The following LMX1A variants were observed in gnomAD, a reference collection of about 807,000 sequenced individuals.
LMX1A encodes the protein LIM homeobox transcription factor 1-alpha.
LMX1A carries 15 observed loss-of-function variants against 49.1 expected under a neutral mutation model. That is an observed-to-expected ratio of 0.31 (90% CI 0.20 to 0.47). The LOEUF (loss-of-function observed/expected upper bound fraction) is 0.47, where lower values mean the gene tolerates loss of function less well. Ranked by LOEUF, LMX1A falls within the 20% of genes least tolerant of loss-of-function variation. LMX1A has a pLI of 1.00. For missense variants in LMX1A, 372 were observed against 475.8 expected, an observed-to-expected ratio of 0.78 and a Z score of 2.03; for synonymous variants, 167 against 185.7, an observed-to-expected ratio of 0.90 and a Z score of 0.82.
intron 3 of LMX1A, among the ~76,000 whole-genome samples, chr1:165,260,276 G>A (rs987755991): frequency 3.3e-5 from 5 of 152,090 alleles, no homozygotes; most frequent in African/African-American, 1.2e-4. Context: ...TTTTTGGCTT[G>A]GCTGGATGGC....
Position 165,203,915 on chromosome 1 carries a change from G to C in LMX1A, c.1114C>G (p.Leu372Val). Residue 372 changes from leucine to valine, a missense_variant, in exon 9 of 9, where the codon CTG (leucine) becomes GTG (valine). Leu to Val is a conservative substitution (Grantham distance 32). Coordinates refer to ENST00000342310, the MANE Select transcript of LMX1A (RefSeq NM_177398.4). Reference protein sequence around the residue: ...QSRVGNPIDHLYSMQNSYFTS With the variant: ...QSRVGNPIDHVYSMQNSYFTS ...AAGTAAGAATTCTGCATGGAGTACA[G>C]ATGGTCAATGGGGTTTCCCACTCTG... 6.2e-7 allele frequency: 1 copy of C among 1,614,136 alleles called. No individual in the cohort carries two copies. Among genetic ancestry groups the C allele is most frequent in the Non-Finnish European group, 8.5e-7 (1 of 1,180,024 alleles).
chr1:165,237,918 C>A (rs1652508583), intron 4 of LMX1A, among the ~76,000 whole-genome samples: 1 of 152,200 alleles, frequency 6.6e-6, no homozygotes, highest in Admixed American at 6.5e-5. Flanking sequence ...AAACCAGTGT[C>A]TTCCCTGCAC....
At chr1:165,282,302 T>G (rs1557872609) in intron 3 of LMX1A, among the ~76,000 whole-genome samples, 1 of 152,188 alleles carries the variant, frequency 6.6e-6, no homozygotes, top group African/African-American at 2.4e-5. Flanking sequence ...CTCAAGGGAT[T>G]GGCTCCAGAA....
intron 3 of LMX1A, among the ~76,000 whole-genome samples, chr1:165,284,232 A>T (rs1024573395): frequency 9.2e-5 from 14 of 152,244 alleles, no homozygotes; most frequent in African/African-American, 3.4e-4. Flanking sequence ...AAGTAAGTAT[A>T]TGAAAGCACT....
intron 3 of LMX1A, among the ~76,000 whole-genome samples, chr1:165,287,623 A>G (rs1192520449): frequency 6.6e-6 from 1 of 151,886 alleles, no homozygotes; most frequent in Admixed American, 6.6e-5. Context: ...CCCAGGCAAC[A>G]CCTCCTACAA....
At chr1:165,231,596 C>T (rs1179011324) in intron 4 of LMX1A, among the ~76,000 whole-genome samples, 1 of 152,204 alleles carries the variant, frequency 6.6e-6, no homozygotes, top group Non-Finnish European at 1.5e-5. Context: ...ACTTTATGTT[C>T]TGATTAATCC....
chr1:165,328,117 T>C (rs545661236), intron 3 of LMX1A, among the ~76,000 whole-genome samples: 54 of 152,134 alleles, frequency 3.5e-4, no homozygotes, highest in African/African-American at 1.2e-3. Context: ...AGAAAGAAAA[T>C]TGCATTAACA....
chr1:165,262,410 CTGAATTCT>C (rs1157009265), intron 3 of LMX1A, among the ~76,000 whole-genome samples: 2 of 152,184 alleles, frequency 1.3e-5, no homozygotes, highest in East Asian at 3.8e-4. Context: ...AGAAAGAAGC[CTGAATTCT>C]TGAAAACTTT....
At chr1:165,262,831 A>AAT (rs140476932) in intron 3 of LMX1A, among the ~76,000 whole-genome samples, 89 of 152,096 alleles carry the variant, frequency 5.9e-4, no homozygotes, top group African/African-American at 2.1e-3. Flanking sequence ...AAAAAAAAAA[A>AAT]TTTTAATTAC....
chr1:165,341,317 G>C (rs1260343387), intron 3 of LMX1A, among the ~76,000 whole-genome samples: 2 of 152,004 alleles, frequency 1.3e-5, no homozygotes, highest in East Asian at 3.9e-4. Flanking sequence ...ATTTGCACAT[G>C]TTTCTTCTTC....
chr1:165,276,819 T>C (rs1455783239), intron 3 of LMX1A, among the ~76,000 whole-genome samples: 1 of 152,122 alleles, frequency 6.6e-6, no homozygotes, highest in East Asian at 1.9e-4. Context: ...CTTTATGAGG[T>C]GCATAGGAAT....
At chr1:165,319,094 A>G (rs936928757) in intron 3 of LMX1A, among the ~76,000 whole-genome samples, 3 of 151,836 alleles carry the variant, frequency 2.0e-5, no homozygotes, top group African/African-American at 7.3e-5. Flanking sequence ...AAGAATGGCA[A>G]TCTTAAACCT....
At chr1:165,244,368 G>A (rs1222008085) in intron 4 of LMX1A, among the ~76,000 whole-genome samples, 2 of 152,168 alleles carry the variant, frequency 1.3e-5, no homozygotes, top group African/African-American at 2.4e-5. Flanking sequence ...TAGCCAGTGA[G>A]TTAGAAATAT....
intron 4 of LMX1A, among the ~76,000 whole-genome samples, chr1:165,221,604 G>A (rs540989587): frequency 6.6e-6 from 1 of 152,190 alleles, no homozygotes; most frequent in South Asian, 2.1e-4. Context: ...GGGCCAGGCA[G>A]GGGGAGGGAC....
chr1:165,268,736 T>C (rs1447481061), intron 3 of LMX1A, among the ~76,000 whole-genome samples: 1 of 152,226 alleles, frequency 6.6e-6, no homozygotes, highest in Non-Finnish European at 1.5e-5. Flanking sequence ...ATGGGCTTAG[T>C]GACACCCATG....
intron 3 of LMX1A, among the ~76,000 whole-genome samples, chr1:165,315,605 C>G (rs1011805562): frequency 6.6e-6 from 1 of 152,206 alleles, no homozygotes; most frequent in Non-Finnish European, 1.5e-5. Context: ...AAACTAAATC[C>G]TTGTCACCCT....
At chr1:165,213,869 T>TA (rs1156230970) in intron 4 of LMX1A, 56 bp from the exon 5 acceptor site, 1 of 1,541,082 alleles carries the variant, frequency 6.5e-7, no homozygotes, top group Non-Finnish European at 8.9e-7. Context: ...CCTGGAGCTG[T>TA]ATGTTATTCC....
At chr1:165,231,472 T>C (rs1652240009) in intron 4 of LMX1A, among the ~76,000 whole-genome samples, 1 of 152,156 alleles carries the variant, frequency 6.6e-6, no homozygotes, top group Admixed American at 6.5e-5. Flanking sequence ...CATGCCAGGC[T>C]AATTTTGTAT....
chr1:165,329,271 G>A (rs75409125), intron 3 of LMX1A, among the ~76,000 whole-genome samples: 2,275 of 152,212 alleles, frequency 0.015, 52 homozygotes, highest in African/African-American at 0.052. Flanking sequence ...CCCATGATCC[G>A]GTCACCTCCC....
Sources: allele counts gnomAD v4.1 joint callset (sites outside exome capture counted in the v4.1 genomes callset), GRCh38; gene constraint gnomAD v4.1.1; transcripts MANE v1.5; gene names NCBI Gene and HGNC (gene_info 2026-07-23, HGNC 2026-07-21).